The following ZNRF2 variants were observed in gnomAD, a reference collection of about 807,000 sequenced individuals.
The protein encoded by ZNRF2 is zinc and ring finger 2.
In ZNRF2, 16 loss-of-function variants were observed where a neutral mutation model predicts 20.4. That is an observed-to-expected ratio of 0.79 (90% CI 0.53 to 1.19). ZNRF2 has a LOEUF of 1.19. ZNRF2 is among the 50% of genes most tolerant of loss of function. The pLI, the probability that ZNRF2 is intolerant of heterozygous loss-of-function variation, is 0.00. For synonymous variants in ZNRF2, 178 were observed against 144.9 expected (o/e 1.23, Z -1.64); for missense variants, 363 against 332.4 (o/e 1.09, Z -0.72).
At chr7:30,363,344 G>T (rs867058638) in intron 4 of ZNRF2, among the ~76,000 whole-genome samples, 1 of 152,112 alleles carries the variant, frequency 6.6e-6, no homozygotes, top group Non-Finnish European at 1.5e-5. Flanking sequence ...TACAATAACC[G>T]TTTTGAGCTC....
At chr7:30,307,662 G>T (rs941714503) in intron 1 of ZNRF2, among the ~76,000 whole-genome samples, 1 of 151,748 alleles carries the variant, frequency 6.6e-6, no homozygotes, top group Non-Finnish European at 1.5e-5. Context: ...TTTTTTAAAG[G>T]TATAAATATA....
chr7:30,328,033 G>A (rs1040443367), intron 2 of ZNRF2, among the ~76,000 whole-genome samples: 2 of 152,152 alleles, frequency 1.3e-5, no homozygotes, highest in African/African-American at 4.8e-5. Flanking sequence ...AAGGAGAAAG[G>A]AGCTTTGCCT....
intron 2 of ZNRF2, among the ~76,000 whole-genome samples, chr7:30,337,856 A>C (rs1306315489): frequency 1.3e-5 from 2 of 152,134 alleles, no homozygotes; most frequent in Non-Finnish European, 2.9e-5. Flanking sequence ...TGCCCAGTGA[A>C]AACTCTCCCT....
intron 1 of ZNRF2, among the ~76,000 whole-genome samples, chr7:30,291,943 T>G (rs184513271): frequency 4.6e-5 from 7 of 151,376 alleles, no homozygotes; most frequent in Non-Finnish European, 8.9e-5. Context: ...AAAACCTGGG[T>G]TTTTTTTTAA....
At chr7:30,359,967 C>CG (rs1330118116) in intron 3 of ZNRF2, among the ~76,000 whole-genome samples, 1 of 152,036 alleles carries the variant, frequency 6.6e-6, no homozygotes, top group Non-Finnish European at 1.5e-5. Flanking sequence ...TCCTAGAAAA[C>CG]TATCAGTTAA....
At chr7:30,308,747 A>T (rs1799246890) in intron 1 of ZNRF2, among the ~76,000 whole-genome samples, 2 of 152,158 alleles carry the variant, frequency 1.3e-5, no homozygotes, top group Non-Finnish European at 2.9e-5. Context: ...AACAATTAGT[A>T]TTGTCAATAT....
chr7:30,286,639 G>A, intron 1 of ZNRF2, among the ~76,000 whole-genome samples: 1 of 152,182 alleles, frequency 6.6e-6, no homozygotes, highest in Non-Finnish European at 1.5e-5. Context: ...GGAAGTGTGC[G>A]TTGTCCTGGG....
chr7:30,297,670 G>A (rs886844067), intron 1 of ZNRF2, among the ~76,000 whole-genome samples: 1 of 151,800 alleles, frequency 6.6e-6, no homozygotes, highest in Admixed American at 6.6e-5. Flanking sequence ...TGTCTTGGGA[G>A]GGAACTGTTT....
At chr7:30,349,258 C>G (rs1799928350) in intron 2 of ZNRF2, among the ~76,000 whole-genome samples, 1 of 152,168 alleles carries the variant, frequency 6.6e-6, no homozygotes, top group Non-Finnish European at 1.5e-5. Flanking sequence ...AGGTTTGTGA[C>G]TTGTCCAAAG....
chr7:30,298,495 G>T (rs1240955034), intron 1 of ZNRF2, among the ~76,000 whole-genome samples: 1 of 152,062 alleles, frequency 6.6e-6, no homozygotes, highest in Non-Finnish European at 1.5e-5. Flanking sequence ...CTCTTGGGCT[G>T]GTCATATTTT....
Position 30,337,019 on chromosome 7 carries a change from A to G in ZNRF2, c.565+13282A>G, listed in dbSNP as rs139003172. On this transcript the variant is annotated intron_variant, in intron 2 of 4. Transcript: ENST00000323037. ...CTGTTTGATCTACATAGTCTGACAAATTTAAAAAGTTTATTAAAGCATCCC... is the reference window on the plus strand; with the variant it reads ...CTGTTTGATCTACATAGTCTGACAAGTTTAAAAAGTTTATTAAAGCATCCC... Among the ~76,000 whole-genome samples the G allele has an allele frequency of 2.4e-4, 36 of 152,252 alleles. No homozygotes were observed. In the East Asian group the frequency reaches 5.2e-3, roughly 22 times the overall value.
chr7:30,310,685 T>C (rs1229930166), intron 1 of ZNRF2, among the ~76,000 whole-genome samples: 1 of 152,204 alleles, frequency 6.6e-6, no homozygotes, highest in Non-Finnish European at 1.5e-5. Flanking sequence ...TAGGCCACAG[T>C]TGGCCTGCAG....
intron 1 of ZNRF2, among the ~76,000 whole-genome samples, chr7:30,316,220 G>T (rs557402499): frequency 8.2e-5 from 12 of 146,438 alleles, no homozygotes; most frequent in Admixed American, 1.4e-4. Context: ...CCTGGGAAGC[G>T]GAGGTTGTGG....
At chr7:30,295,088 T>G (rs1798995859) in intron 1 of ZNRF2, among the ~76,000 whole-genome samples, 1 of 146,128 alleles carries the variant, frequency 6.8e-6, no homozygotes, top group African/African-American at 2.7e-5. Flanking sequence ...TGTGTGTGTG[T>G]GTGTGTGTGT....
chr7:30,347,008 T>G (rs1042585403), intron 2 of ZNRF2, among the ~76,000 whole-genome samples: 26 of 152,290 alleles, frequency 1.7e-4, no homozygotes, highest in African/African-American at 6.0e-4. Flanking sequence ...GTTTTTTCAT[T>G]CTAGGAATTT....
intron 2 of ZNRF2, among the ~76,000 whole-genome samples, chr7:30,344,489 A>G (rs1799846380): frequency 6.6e-6 from 1 of 151,730 alleles, no homozygotes; most frequent in African/African-American, 2.4e-5. Flanking sequence ...CTTTTATACT[A>G]TTAAGTTTTT....
intron 1 of ZNRF2, among the ~76,000 whole-genome samples, chr7:30,302,493 C>T (rs1799134158): frequency 6.6e-6 from 1 of 151,304 alleles, no homozygotes; most frequent in African/African-American, 2.4e-5. Context: ...AGTGTCCATC[C>T]ATCAGGGCCT....
chr7:30,293,359 G>T (rs566533143), intron 1 of ZNRF2, among the ~76,000 whole-genome samples: 54 of 146,752 alleles, frequency 3.7e-4, no homozygotes, highest in African/African-American at 1.3e-3. Context: ...AGTGATTCTT[G>T]TGCCCCAGCC....
At chr7:30,358,528 A>C (rs1800074515) in intron 3 of ZNRF2, among the ~76,000 whole-genome samples, 1 of 152,228 alleles carries the variant, frequency 6.6e-6, no homozygotes, top group South Asian at 2.1e-4. Context: ...TCAAATCTCA[A>C]CTGGTTAGTT....
Sources: allele counts gnomAD v4.1 joint callset (sites outside exome capture counted in the v4.1 genomes callset), GRCh38; gene constraint gnomAD v4.1.1; transcripts MANE v1.5; gene names NCBI Gene and HGNC (gene_info 2026-07-23, HGNC 2026-07-21).